Variants in NTM observed in about 807,000 individuals in gnomAD.
The protein encoded by NTM is neurotrimin.
In NTM, 13 loss-of-function variants were observed where a neutral mutation model predicts 42.1. That is an observed-to-expected ratio of 0.31 (90% CI 0.20 to 0.49). The LOEUF (loss-of-function observed/expected upper bound fraction) is 0.49, where lower values mean the gene tolerates loss of function less well. Among genes scored for constraint, NTM ranks in the 20% least tolerant of loss-of-function variants. The pLI, the probability that NTM is intolerant of heterozygous loss-of-function variation, is 0.99. For missense variants in NTM, 373 were observed against 452.8 expected (o/e 0.82, Z 1.60); for synonymous variants, 187 against 179.2 (o/e 1.04, Z -0.35).
chr11:131,983,577 C>T lies in NTM; in HGVS notation c.167+71929C>T, dbSNP rs527868627. 9.9e-5 allele frequency among the ~76,000 whole-genome samples: 15 copies of T among 152,116 alleles called. No individual in the cohort carries two copies. The South Asian group carries it at 1.5e-3, about 15-fold the overall frequency. ...TTTTATTAGAGATGGGGTTTCACCA[C>T]GTTGGCTGGGCTAGTCTTGAACTCC... On this transcript the variant is annotated intron_variant, in intron 2 of 8. Coordinates refer to ENST00000683400, the MANE Select transcript of NTM (RefSeq NM_001352005.2).
At position 131,793,983 on chromosome 11, in the gene NTM, A is replaced by G. The variant is rs138322588; in HGVS notation, c.83-117581A>G. On this transcript the variant is annotated intron_variant, in intron 1 of 8. Transcript: ENST00000683400. ...GGTGAGATAAGATTAAAAGACCTCA[A>G]TATTTATCATTTTTCTAAGCCGAGA... Among the ~76,000 whole-genome samples, 594 of 152,302 alleles carry G rather than the reference A, an allele frequency of 3.9e-3. 3 individuals carry two copies. Among genetic ancestry groups the G allele is most frequent in the African/African-American group, 0.013 (557 of 41,558 alleles).
chr11:132,044,685 C>T (rs563866979), intron 2 of NTM, among the ~76,000 whole-genome samples: 34 of 152,202 alleles, frequency 2.2e-4, no homozygotes, highest in African/African-American at 7.5e-4. Context: ...ACATTTTATC[C>T]CTGAGCTCCC....
chr11:132,299,503 A>G (rs963194838), intron 4 of NTM, among the ~76,000 whole-genome samples: 5 of 152,208 alleles, frequency 3.3e-5, no homozygotes. Context: ...TTTCCCAGGT[A>G]TAAAAGAAGT....
intron 3 of NTM, among the ~76,000 whole-genome samples, chr11:132,167,706 T>C (rs1218721633): frequency 6.6e-6 from 1 of 152,190 alleles, no homozygotes; most frequent in African/African-American, 2.4e-5. Context: ...GTATTATACA[T>C]AGTAGTCATT....
intron 1 of NTM, chr11:131,660,949 C>T: frequency 7.7e-7 from 1 of 1,303,888 alleles, no homozygotes; most frequent in Non-Finnish European, 1.0e-6. Context: ...TTTCATTCTG[C>T]TCATCCCCAA....
intron 1 of NTM, among the ~76,000 whole-genome samples, chr11:131,895,462 A>G (rs2052115983): frequency 6.6e-6 from 1 of 152,152 alleles, no homozygotes; most frequent in Non-Finnish European, 1.5e-5. Flanking sequence ...TTCAATGGAT[A>G]TTTGTTGAAC....
At chr11:131,564,272 A>ATT (rs1305975103) in intron 1 of NTM, among the ~76,000 whole-genome samples, 1 of 98,136 alleles carries the variant, frequency 1.0e-5, no homozygotes, top group African/African-American at 8.0e-5. Context: ...ATGCCACCTT[A>ATT]TTTATTTGTT....
chr11:131,680,390 T>TGC, intron 1 of NTM, among the ~76,000 whole-genome samples: 1 of 152,120 alleles, frequency 6.6e-6, no homozygotes, highest in African/African-American at 2.4e-5. Flanking sequence ...TGAGTGCCTG[T>TGC]GTGTGTGTGC....
rs1391608421 is a variant in NTM, at chr11:131,680,448, T to C, written c.83-231116T>C. On this transcript the variant is annotated intron_variant, in intron 1 of 8. Coordinates refer to ENST00000683400, the MANE Select transcript of NTM (RefSeq NM_001352005.2). ...CTGTGTCTGTGTGTGAGATCATATC[T>C]GTGTCTGTGTCTGTGAGTGCCTGTG... 1.2e-3 allele frequency among the ~76,000 whole-genome samples: 118 copies of C among 102,142 alleles called. 1 individual carries two copies. The highest frequency in any genetic ancestry group is 3.7e-3 in the African/African-American group (108 of 28,842). 67.0% of individuals were successfully genotyped at this position (102,142 alleles called of 152,430 possible).
At chr11:131,376,856 C>T (rs11222592) in intron 1 of NTM, among the ~76,000 whole-genome samples, 28,896 of 152,002 alleles carry the variant, frequency 0.19, 3,219 homozygotes, top group African/African-American at 0.31. Context: ...TGTTTATTTG[C>T]CCACGGGTTC....
At position 132,148,403 on chromosome 11, in the gene NTM, C is replaced by A. The variant is rs537894335; in HGVS notation, c.400+1889C>A. 4.6e-5 allele frequency among the ~76,000 whole-genome samples: 7 copies of A among 152,274 alleles called. No individual in the cohort carries two copies. In the East Asian group the frequency reaches 1.2e-3, roughly 25 times the overall value. Reference sequence around the variant, plus strand: ...GCCCTGGTGCCACCATCTGCATACTCTACCAGGTGGTGGTTTGGAAGCTAT... The same window carrying A: ...GCCCTGGTGCCACCATCTGCATACTATACCAGGTGGTGGTTTGGAAGCTAT... On this transcript the variant is annotated intron_variant, in intron 3 of 8. Coordinates refer to ENST00000683400, the MANE Select transcript of NTM (RefSeq NM_001352005.2).
In NTM at chr11:131,702,028, C is replaced by T. The variant is rs150263216; in HGVS notation, c.83-209536C>T. Among the ~76,000 whole-genome samples, 1,101 of 152,314 alleles carry T rather than the reference C, an allele frequency of 7.2e-3. 11 individuals are homozygous for T. The highest frequency in any genetic ancestry group is 0.025 in the African/African-American group (1,046 of 41,572). On this transcript the variant is annotated intron_variant, in intron 1 of 8. Transcript: ENST00000683400. Reference sequence around the variant, plus strand: ...TCCTTGGTGGGAAAGACGTGGCTCCCTTTCCCACAGTTTCCTGCTGCCTTC... The same window carrying T: ...TCCTTGGTGGGAAAGACGTGGCTCCTTTTCCCACAGTTTCCTGCTGCCTTC...
chr11:131,993,512 C>G (rs1261755765), intron 2 of NTM, among the ~76,000 whole-genome samples: 1 of 151,938 alleles, frequency 6.6e-6, no homozygotes, highest in African/African-American at 2.4e-5. Context: ...TTGTGCAAGT[C>G]CAGGAAGCAG....
intron 1 of NTM, among the ~76,000 whole-genome samples, chr11:131,797,652 T>A (rs1296463027): frequency 6.6e-6 from 1 of 152,232 alleles, no homozygotes; most frequent in African/African-American, 2.4e-5. Context: ...TATAAATCAA[T>A]AATGCAGTTT....
chr11:132,152,088 C>T (rs974063490), intron 3 of NTM, among the ~76,000 whole-genome samples: 1 of 152,156 alleles, frequency 6.6e-6, no homozygotes, highest in East Asian at 1.9e-4. Context: ...GTAGCTACAC[C>T]CTAGAGACCC....
rs562126074 is a variant in NTM, at chr11:131,760,478, A to G, written c.83-151086A>G. On this transcript the variant is annotated intron_variant, in intron 1 of 8. Coordinates refer to ENST00000683400, the MANE Select transcript of NTM (RefSeq NM_001352005.2). The stretch of plus-strand genomic sequence containing the variant: ...GGTTCATCAGCATGGCGCATTGTTA[A>G]AAAGTGCTGGGTGGGTGGTTTTTTA... Among the ~76,000 whole-genome samples the G allele has an allele frequency of 8.3e-4, 127 of 152,296 alleles. 1 individual carries two copies. The highest frequency in any genetic ancestry group is 1.6e-3 in the Non-Finnish European group (106 of 68,034).
At chr11:132,179,228 C>T (rs1273209431) in intron 3 of NTM, among the ~76,000 whole-genome samples, 1 of 152,004 alleles carries the variant, frequency 6.6e-6, no homozygotes, top group African/African-American at 2.4e-5. Flanking sequence ...GAGGAAGGCT[C>T]CTAGGAATGA....
At chr11:132,275,690 T>TTATATATGTACG in intron 4 of NTM, among the ~76,000 whole-genome samples, 1 of 100,132 alleles carries the variant, frequency 1.0e-5, no homozygotes, top group Admixed American at 9.6e-5. Flanking sequence ...ACTTGATGTT[T>TTATATATGTACG]TATATATATA....
chr11:131,840,912 T>C (rs973457923), intron 1 of NTM, among the ~76,000 whole-genome samples: 45 of 152,282 alleles, frequency 3.0e-4, no homozygotes, highest in Non-Finnish European at 5.6e-4. Context: ...AGGTGGAGGA[T>C]GACAGAAGGT....
Sources: allele counts gnomAD v4.1 joint callset (sites outside exome capture counted in the v4.1 genomes callset), GRCh38; gene constraint gnomAD v4.1.1; transcripts MANE v1.5; gene names NCBI Gene and HGNC (gene_info 2026-07-23, HGNC 2026-07-21).